The following KPNA6 variants were observed in gnomAD, a reference collection of about 807,000 sequenced individuals.
KPNA6 encodes karyopherin subunit alpha 6.
Under a neutral mutation model 72.0 loss-of-function variants are expected in KPNA6, and 9 were observed. The ratio of observed to expected loss-of-function variants is 0.13; its 90% CI spans 0.08 to 0.22. KPNA6 has a LOEUF of 0.22. KPNA6 is among the 10% of genes least tolerant of loss of function. The pLI is 1.00. For synonymous variants in KPNA6, 219 were observed against 242.1 expected, an observed-to-expected ratio of 0.90 and a Z score of 0.89; for missense variants, 374 against 655.7, an observed-to-expected ratio of 0.57 and a Z score of 4.69.
intron 1 of KPNA6, among the ~76,000 whole-genome samples, chr1:32,118,403 C>T (rs1453289638): frequency 5.3e-5 from 8 of 150,912 alleles, no homozygotes; most frequent in African/African-American, 2.4e-5. Flanking sequence ...CAGTGGTGTG[C>T]GCTTTTCACA....
At chr1:32,138,798 A>G (rs951828952) in intron 1 of KPNA6, among the ~76,000 whole-genome samples, 2 of 152,164 alleles carry the variant, frequency 1.3e-5, no homozygotes, top group Non-Finnish European at 2.9e-5. Flanking sequence ...CATCAGTGAC[A>G]AATTAGAAAG....
intron 1 of KPNA6, among the ~76,000 whole-genome samples, chr1:32,123,548 C>T (rs1199523481): frequency 1.3e-5 from 2 of 151,626 alleles, no homozygotes; most frequent in Non-Finnish European, 2.9e-5. Context: ...CAAGACCAGC[C>T]AGGACAACAT....
chr1:32,167,131 T>C (rs2124092931), intron 11 of KPNA6, 38 bp from the exon 12 acceptor site: 1 of 1,606,192 alleles, frequency 6.2e-7, no homozygotes, highest in Non-Finnish European at 8.5e-7. Context: ...CTGAAATGAC[T>C]TTCTCCTTCC....
chr1:32,153,206 AAG>A (rs1177420161), intron 1 of KPNA6, among the ~76,000 whole-genome samples: 2 of 152,106 alleles, frequency 1.3e-5, no homozygotes, highest in Non-Finnish European at 2.9e-5. Flanking sequence ...TCAGGAACAA[AAG>A]AGGGCACAAA....
At chr1:32,124,587 A>G (rs1352958802) in intron 1 of KPNA6, among the ~76,000 whole-genome samples, 1 of 150,378 alleles carries the variant, frequency 6.6e-6, no homozygotes, top group Non-Finnish European at 1.5e-5. Context: ...GCTCACTGCA[A>G]CCTCTGCCTC....
chr1:32,117,318 G>A (rs1373537699), intron 1 of KPNA6, among the ~76,000 whole-genome samples: 1 of 151,892 alleles, frequency 6.6e-6, no homozygotes, highest in African/African-American at 2.4e-5. Context: ...GACTACAGGC[G>A]CCTGCCACCA....
intron 1 of KPNA6, among the ~76,000 whole-genome samples, chr1:32,150,249 C>T (rs1642005437): frequency 6.7e-6 from 1 of 150,220 alleles, no homozygotes; most frequent in Non-Finnish European, 1.5e-5. Flanking sequence ...TCTCCTTCCT[C>T]AGCCTCCCGA....
chr1:32,117,424 G>A (rs184753064), intron 1 of KPNA6, among the ~76,000 whole-genome samples: 3,938 of 151,750 alleles, frequency 0.026, 175 homozygotes, highest in African/African-American at 0.089. Context: ...CACCCGCCTC[G>A]GCCTCCCAAA....
chr1:32,125,848 A>C (rs1215924595), intron 1 of KPNA6, among the ~76,000 whole-genome samples: 1 of 151,982 alleles, frequency 6.6e-6, no homozygotes, highest in Non-Finnish European at 1.5e-5. Flanking sequence ...CTGTATAGTC[A>C]AATATTATGA....
chr1:32,176,002 A>AG lies in KPNA6; in HGVS notation c.*5110dup, dbSNP rs1642521503. ...GCACCTGTGATCTCAGCTACGTGGGAGGCTGAGGCAGGAGAATCTCTTGAA... is the reference window on the plus strand; with the variant it reads ...GCACCTGTGATCTCAGCTACGTGGGAGGGCTGAGGCAGGAGAATCTCTTGAA... On this transcript the variant is annotated 3_prime_UTR_variant, in exon 14 of 14. Transcript: ENST00000373625. 6.6e-6 allele frequency: 1 copy of AG among 151,896 alleles called. No homozygotes were observed. The highest frequency in any genetic ancestry group is 1.5e-5 in the Non-Finnish European group (1 of 67,998). The allele number at this position is 151,896 out of a possible 1,614,324, so 9.4% of individuals were successfully genotyped here. A position where few individuals can be genotyped will look rare whatever the true frequency, so the allele number is the denominator to read the frequency against.
chr1:32,166,061 A>G, intron 10 of KPNA6, 44 bp from the exon 11 acceptor site: 1 of 1,554,054 alleles, frequency 6.4e-7, no homozygotes, highest in Non-Finnish European at 8.7e-7. Context: ...AAAATTAAAA[A>G]CAGTTTAATT....
intron 1 of KPNA6, among the ~76,000 whole-genome samples, chr1:32,150,254 TC>T (rs1402185951): frequency 6.8e-6 from 1 of 147,898 alleles, no homozygotes; most frequent in Non-Finnish European, 1.5e-5. Flanking sequence ...TTCCTCAGCC[TC>T]CCGAGTAGCT....
chr1:32,117,642 A>G (rs71646357), intron 1 of KPNA6, among the ~76,000 whole-genome samples: 1 of 152,132 alleles, frequency 6.6e-6, no homozygotes, highest in South Asian at 2.1e-4. Context: ...AACAATAACA[A>G]CAATAAAAAA....
At chr1:32,115,758 CT>C (rs1188212380) in intron 1 of KPNA6, among the ~76,000 whole-genome samples, 1 of 151,042 alleles carries the variant, frequency 6.6e-6, no homozygotes, top group Non-Finnish European at 1.5e-5. Flanking sequence ...TAAACCCTTT[CT>C]TTTTGAGACG....
At chr1:32,170,184 CTG>C (rs1570081222) in intron 13 of KPNA6, 124 bp downstream of exon 13, 1 of 824,952 alleles carries the variant, frequency 1.2e-6, no homozygotes, top group Non-Finnish European at 1.9e-6. Flanking sequence ...AGACTGATGT[CTG>C]TGTCTTCAGA....
chr1:32,144,130 TAG>T (rs1255236575), intron 1 of KPNA6, among the ~76,000 whole-genome samples: 1 of 152,158 alleles, frequency 6.6e-6, no homozygotes, highest in African/African-American at 2.4e-5. Context: ...AATAATAAAA[TAG>T]AACACATAAC....
At chr1:32,109,574 G>A (rs941372544) in intron 1 of KPNA6, among the ~76,000 whole-genome samples, 2 of 151,778 alleles carry the variant, frequency 1.3e-5, no homozygotes, top group African/African-American at 4.8e-5. Context: ...AGTTGTAAAT[G>A]TGTTTGGGTT....
chr1:32,155,110 CAAAAAA>C (rs144040035), intron 2 of KPNA6, among the ~76,000 whole-genome samples: 1 of 54,228 alleles, frequency 1.8e-5, no homozygotes, highest in Non-Finnish European at 3.3e-5. Flanking sequence ...AACTCCATCT[CAAAAAA>C]AAAAAAAAAA....
At chr1:32,138,199 C>CTGGT (rs1423806041) in intron 1 of KPNA6, among the ~76,000 whole-genome samples, 2 of 151,230 alleles carry the variant, frequency 1.3e-5, no homozygotes, top group Non-Finnish European at 2.9e-5. Flanking sequence ...GTGAAGATAG[C>CTGGT]TGGTAGGCAA....
Sources: allele counts gnomAD v4.1 joint callset (sites outside exome capture counted in the v4.1 genomes callset), GRCh38; gene constraint gnomAD v4.1.1; transcripts MANE v1.5; gene names NCBI Gene and HGNC (gene_info 2026-07-23, HGNC 2026-07-21).